KIAA0319: variants seen among roughly 807,000 people sequenced by gnomAD.
KIAA0319 encodes the protein KIAA0319.
A neutral mutation model predicts 108.4 loss-of-function variants in KIAA0319; 83 were observed. The observed-to-expected ratio is 0.77, with a 90% CI of 0.64 to 0.92. The LOEUF is 0.92. Ranked by LOEUF, KIAA0319 falls within the 40% of genes least tolerant of loss-of-function variation. The pLI, the probability that KIAA0319 is intolerant of heterozygous loss-of-function variation, is 0.00. For missense variants in KIAA0319, 1,195 were observed against 1,322.4 expected (o/e 0.90, Z 1.49); for synonymous variants, 484 against 510.4 (o/e 0.95, Z 0.70).
At chr6:24,605,867 GAC>G (rs1338373453) in intron 1 of KIAA0319, among the ~76,000 whole-genome samples, 1 of 151,752 alleles carries the variant, frequency 6.6e-6, no homozygotes, top group Non-Finnish European at 1.5e-5. Context: ...TTTTATAGAA[GAC>G]AGTTATTTTA....
rs1766688007 is a variant in KIAA0319, at chr6:24,582,269, G to C, written c.1171C>G (p.Gln391Glu). ...CTTACTTGAGAGAGGTTAAGAGTTTGCTTGTGTCCTTGTTTTATTTCACCT... is the reference window on the plus strand; with the variant it reads ...CTTACTTGAGAGAGGTTAAGAGTTTCCTTGTGTCCTTGTTTTATTTCACCT... Reference protein sequence around the residue: ...YQGEIKQGHKQTLNLSQLSVG... With the variant: ...YQGEIKQGHKETLNLSQLSVG... The change falls in exon 6 of 21, where the codon CAA becomes GAA. Residue 391 changes from glutamine (Q) to glutamate (E), a missense_variant. Physicochemically the swap from Gln to Glu is conservative, Grantham distance 29. Transcript: ENST00000378214. 5.0e-6 allele frequency: 8 copies of C among 1,600,870 alleles called. No individual in the cohort carries two copies. The African/African-American group carries it at 6.7e-5, about 13-fold the overall frequency.
rs148610045 is a variant in KIAA0319 at position 24,560,471 on chromosome 6, T to G, written c.2592-1316A>C. Among the ~76,000 whole-genome samples the G allele has an allele frequency of 8.0e-3, 1,221 of 152,344 alleles. 20 individuals carry two copies. The highest frequency in any genetic ancestry group is 0.026 in the African/African-American group (1,098 of 41,570). The stretch of plus-strand genomic sequence containing the variant: ...GTGGCTAATGGTGAGCACCTTTTCA[T>G]GTGCTTATTGGCCATCTGTATATCT... On this transcript the variant is annotated intron_variant, in intron 16 of 20. Coordinates refer to ENST00000378214, the MANE Select transcript of KIAA0319 (RefSeq NM_014809.4).
At chr6:24,608,930 CAA>C (rs57120652) in intron 1 of KIAA0319, among the ~76,000 whole-genome samples, 1 of 30,106 alleles carries the variant, frequency 3.3e-5, no homozygotes, top group Admixed American at 7.2e-4. Flanking sequence ...GACTCCGTCT[CAA>C]AAAAAAAAAA....
At chr6:24,603,452 C>T (rs1293763806) in intron 1 of KIAA0319, among the ~76,000 whole-genome samples, 1 of 152,126 alleles carries the variant, frequency 6.6e-6, no homozygotes, top group Non-Finnish European at 1.5e-5. Context: ...TGTCAGAATC[C>T]CACTGTGAGT....
chr6:24,590,481 T>C (rs1037193496), intron 3 of KIAA0319, among the ~76,000 whole-genome samples: 4 of 152,206 alleles, frequency 2.6e-5, no homozygotes, highest in African/African-American at 9.6e-5. Flanking sequence ...AAGCTGTTCA[T>C]TGAATCTGTG....
Position 24,596,066 on chromosome 6 carries a change from G to C in KIAA0319, c.608C>G (p.Pro203Arg), listed in dbSNP as rs1381776728. 6.2e-7 allele frequency: 1 copy of C among 1,614,058 alleles called. No homozygotes were observed. The highest frequency in any genetic ancestry group is 1.7e-5 in the Admixed American group (1 of 60,016). Residue 203 changes from proline (P) to arginine (R), a missense_variant, in exon 3 of 21, where the codon CCT becomes CGT. Coordinates refer to ENST00000378214, the MANE Select transcript of KIAA0319 (RefSeq NM_014809.4). The part of the protein sequence containing the change: ...GAFNSSVGDS[P>R]AVPAETQQDP... ...CTGCTGCGTCTCCGCTGGCACCGCA[G>C]GACTGTCTCCAACAGAGGAGTTGAA...
intron 1 of KIAA0319, among the ~76,000 whole-genome samples, chr6:24,637,064 T>C (rs1280410524): frequency 6.6e-6 from 1 of 152,214 alleles, no homozygotes; most frequent in Non-Finnish European, 1.5e-5. Flanking sequence ...TCTTCAAAGC[T>C]TTGTAACAGA....
rs1762316049 is a variant in KIAA0319 at position 24,556,603 on chromosome 6, T to G, written c.2857+4A>C. Reference sequence around the variant, plus strand: ...CCCAAAGCCTCCTCTATACCAGAACTCACCACAGTTGCTCTCTCCATCCCA... The same window carrying G: ...CCCAAAGCCTCCTCTATACCAGAACGCACCACAGTTGCTCTCTCCATCCCA... On this transcript the variant is annotated splice_donor_region_variant and intron_variant, in intron 18 of 20. Coordinates refer to ENST00000378214, the MANE Select transcript of KIAA0319 (RefSeq NM_014809.4). 6 of 1,613,600 alleles carry G rather than the reference T, an allele frequency of 3.7e-6. No individual in the cohort carries two copies. The highest frequency in any genetic ancestry group is 5.1e-6 in the Non-Finnish European group (6 of 1,179,758).
chr6:24,644,109 T>C (rs145807782), intron 1 of KIAA0319, among the ~76,000 whole-genome samples: 45 of 152,364 alleles, frequency 3.0e-4, no homozygotes, highest in African/African-American at 9.4e-4. Flanking sequence ...TCTCCTCATG[T>C]CTGCGTGGGT....
chr6:24,576,630 A>C (rs1483068874), intron 9 of KIAA0319, 34 bp from the exon 10 acceptor site: 2 of 1,561,678 alleles, frequency 1.3e-6, no homozygotes, highest in Non-Finnish European at 1.8e-6. Flanking sequence ...AGTTGGAAGA[A>C]TATGCCAGGC....
intron 9 of KIAA0319, 111 bp from the exon 10 acceptor site, chr6:24,576,707 C>T (rs1315044883): frequency 1.2e-5 from 10 of 828,662 alleles, no homozygotes; most frequent in South Asian, 1.1e-4. Context: ...ATCGCTTGAG[C>T]CCAGGAGTTC....
intron 17 of KIAA0319, among the ~76,000 whole-genome samples, chr6:24,557,030 C>A (rs1039081798): frequency 2.0e-5 from 3 of 152,190 alleles, no homozygotes; most frequent in African/African-American, 7.2e-5. Context: ...CATGGTGAAA[C>A]CCCATCTCTA....
At chr6:24,564,655 A>G (rs1010843865) in intron 14 of KIAA0319, among the ~76,000 whole-genome samples, 1 of 152,234 alleles carries the variant, frequency 6.6e-6, no homozygotes, top group African/African-American at 2.4e-5. Flanking sequence ...TAGGGCAAGG[A>G]CGCTGAGAAC....
At chr6:24,585,159 C>A (rs1318020591) in intron 4 of KIAA0319, among the ~76,000 whole-genome samples, 1 of 152,096 alleles carries the variant, frequency 6.6e-6, no homozygotes, top group Non-Finnish European at 1.5e-5. Context: ...AGCTTTGATA[C>A]GTCTTCCCTT....
rs1766899023 is a variant in KIAA0319, at chr6:24,583,240, A to G, written c.1093+364T>C. 4 of 996,942 alleles carry G rather than the reference A, an allele frequency of 4.0e-6. No individual in the cohort carries two copies. The South Asian group carries it at 1.4e-4, about 34-fold the overall frequency. 61.8% of individuals were successfully genotyped at this position (996,942 alleles called of 1,614,324 possible). ...TGCCACAGTATCTGCAAACAAACCT[A>G]TGGGTGCACGCCACTTCCCTCTCAT... On this transcript the variant is annotated intron_variant, in intron 5 of 20. Coordinates refer to ENST00000378214, the MANE Select transcript of KIAA0319 (RefSeq NM_014809.4).
chr6:24,555,280 T>C (rs34505453), intron 18 of KIAA0319, among the ~76,000 whole-genome samples: 56,548 of 152,034 alleles, frequency 0.37, 11,388 homozygotes, highest in Non-Finnish European at 0.46. Flanking sequence ...GCAGATGACT[T>C]GAGGTCAGGA....
downstream of KIAA0319, among the ~76,000 whole-genome samples, chr6:24,542,142 A>T (rs954289343): frequency 1.3e-5 from 2 of 152,202 alleles, no homozygotes; most frequent in African/African-American, 4.8e-5. Context: ...CTGTCTGAAA[A>T]AAAATAAAAT....
chr6:24,598,190 G>T, intron 2 of KIAA0319: 1 of 472,094 alleles, frequency 2.1e-6, no homozygotes. Context: ...CTGGGTGGAG[G>T]CTATGGCGGG....
rs12174242 is a variant in KIAA0319 at position 24,569,819 on chromosome 6, T to C, written c.1991+84A>G. 7 of 1,498,704 alleles carry C rather than the reference T, an allele frequency of 4.7e-6. No individual in the cohort carries two copies. The East Asian group carries it at 1.1e-4, about 24-fold the overall frequency. 92.8% of individuals were successfully genotyped at this position (1,498,704 alleles called of 1,614,324 possible). On this transcript the variant is annotated intron_variant, in intron 12 of 20. Coordinates refer to ENST00000378214, the MANE Select transcript of KIAA0319 (RefSeq NM_014809.4). ...CGACTCCTCAAAATGCGCAAGCTGA[T>C]TGTTTACTACAGATCCTCCAGAGAA... is the stretch of plus-strand genomic sequence containing the variant.
Sources: gnomAD v4.1 joint callset for allele counts (sites outside exome capture counted in the v4.1 genomes callset) on GRCh38, gnomAD v4.1.1 for gene constraint, MANE v1.5 for transcripts, NCBI Gene and HGNC (gene_info 2026-07-23, HGNC 2026-07-21) for gene names.